CASZ1: variants seen among roughly 807,000 people sequenced by gnomAD.
CASZ1 encodes the protein zinc finger protein castor homolog 1.
In CASZ1, 28 loss-of-function variants were observed where a neutral mutation model predicts 135.2. The observed-to-expected ratio is 0.21, with a 90% CI of 0.15 to 0.28. The LOEUF (loss-of-function observed/expected upper bound fraction) is 0.28. Ranked by LOEUF, CASZ1 falls within the 10% of genes least tolerant of loss-of-function variation. The pLI is 1.00. For synonymous variants in CASZ1, 1,068 were observed against 1,073.4 expected (o/e 0.99, Z 0.10); for missense variants, 2,161 against 2,453.3 (o/e 0.88, Z 2.52).
rs1641076408 is a variant in CASZ1 at position 10,796,551 on chromosome 1, C to T, written c.-234+13G>A. ...TGGGGGGGCCGCGGCGGAGGGAGCGCCGAGTCTCTTACCTGCACTTGGGGC... is the reference window on the plus strand; with the variant it reads ...TGGGGGGGCCGCGGCGGAGGGAGCGTCGAGTCTCTTACCTGCACTTGGGGC... On this transcript the variant is annotated intron_variant, in intron 1 of 20. Transcript: ENST00000377022. 6.6e-6 allele frequency: 1 copy of T among 152,432 alleles called. No homozygotes were observed. The highest frequency in any genetic ancestry group is 2.4e-5 in the African/African-American group (1 of 41,472). The allele number at this position is 152,432 out of a possible 1,614,324, so 9.4% of individuals were successfully genotyped here.
rs145253784 is a variant in CASZ1 at position 10,741,388 on chromosome 1, C to A, written c.-77+19313G>T. ...CCAGCAGTTGTCCTGGGGGTGGGGG[C>A]GGCAGGGCACAGGGAGCAGACACAG... On this transcript the variant is annotated intron_variant, in intron 2 of 20. Coordinates refer to ENST00000377022, the MANE Select transcript of CASZ1 (RefSeq NM_001079843.3). The surrounding 1 kb of genome is among the most constrained non-coding windows in gnomAD (Gnocchi z 5.0). Among the ~76,000 whole-genome samples the A allele has an allele frequency of 1.3e-5, 2 of 152,108 alleles. No individual in the cohort carries two copies. Among genetic ancestry groups the A allele is most frequent in the Admixed American group, 1.3e-4 (2 of 15,258 alleles).
rs1640674075 is a variant in CASZ1, at chr1:10,777,007, C to A, written c.-233-16150G>T. The stretch of plus-strand genomic sequence containing the variant: ...CATGTCTGGAACCGGCCAGCCTCAC[C>A]CTGAGCCAGTGGGGAAGATGACCGT... On this transcript the variant is annotated intron_variant, in intron 1 of 20. Coordinates refer to ENST00000377022, the MANE Select transcript of CASZ1 (RefSeq NM_001079843.3). The surrounding 1 kb of genome is among the most constrained non-coding windows in gnomAD (Gnocchi z 4.4). Among the ~76,000 whole-genome samples the A allele has an allele frequency of 6.6e-6, 1 of 152,178 alleles. No homozygotes were observed. Among genetic ancestry groups the A allele is most frequent in the African/African-American group, 2.4e-5 (1 of 41,446 alleles).
intron 2 of CASZ1, among the ~76,000 whole-genome samples, chr1:10,730,955 A>C (rs1639692435): frequency 6.6e-6 from 1 of 152,068 alleles, no homozygotes; most frequent in Non-Finnish European, 1.5e-5. Flanking sequence ...AAAATACAAA[A>C]ATTAACCGGG....
In CASZ1 at chr1:10,724,270, C is replaced by G. The variant is rs1639556606; in HGVS notation, c.-76-18726G>C. ...TTTCCCAGAGCCACGGCCCCCTCCCCAGCACCAAGAACCTTTCTGAGGAAA... is the reference window on the plus strand; with the variant it reads ...TTTCCCAGAGCCACGGCCCCCTCCCGAGCACCAAGAACCTTTCTGAGGAAA... On this transcript the variant is annotated intron_variant, in intron 2 of 20. Coordinates refer to ENST00000377022, the MANE Select transcript of CASZ1 (RefSeq NM_001079843.3). This position sits in a 1 kb window ranked among gnomAD's most constrained non-coding sequence, Gnocchi z 4.1. 6.6e-6 allele frequency among the ~76,000 whole-genome samples: 1 copy of G among 152,234 alleles called. No individual in the cohort carries two copies. Among genetic ancestry groups the G allele is most frequent in the African/African-American group, 2.4e-5 (1 of 41,462 alleles).
rs773855915 is a variant in CASZ1 at position 10,646,179 on chromosome 1, G to A, written c.3645C>T (p.Asn1215=). Residue 1215 remains asparagine, a synonymous_variant, in exon 17 of 21, where the codon AAC becomes AAT. Coordinates refer to ENST00000377022, the MANE Select transcript of CASZ1 (RefSeq NM_001079843.3). The surrounding 1 kb of genome is among the most constrained non-coding windows in gnomAD (Gnocchi z 6.4). ...AGTAGTATGCAAACTGGTCTCGCAC[G>A]TTCACCAGGTTGTTGTTGGGGTTGA... The part of the protein sequence containing the change: ...DHINPNNNLV[N]VRDQFAYYSL... 7.4e-6 allele frequency: 12 copies of A among 1,614,060 alleles called. No individual in the cohort carries two copies. Among genetic ancestry groups the A allele is most frequent in the East Asian group, 2.2e-5 (1 of 44,898 alleles).
intron 3 of CASZ1, among the ~76,000 whole-genome samples, chr1:10,702,454 C>G (rs193126823): frequency 7.7e-4 from 117 of 152,324 alleles, no homozygotes; most frequent in African/African-American, 2.7e-3. Flanking sequence ...GAAAGATTTG[C>G]TCTGAGAAGC....
chr1:10,669,321 TC>T (rs1221074706), intron 4 of CASZ1, among the ~76,000 whole-genome samples: 3 of 152,138 alleles, frequency 2.0e-5, no homozygotes, highest in African/African-American at 7.2e-5. Flanking sequence ...GGGGACTCCT[TC>T]CCCTGCCCCG....
chr1:10,775,203 G>A (rs908072536), intron 1 of CASZ1, among the ~76,000 whole-genome samples: 5 of 152,142 alleles, frequency 3.3e-5, no homozygotes, highest in Admixed American at 2.0e-4. Context: ...CATTGCTGCC[G>A]ATAATTTTTC....
chr1:10,754,499 G>T (rs1161152786), intron 2 of CASZ1, among the ~76,000 whole-genome samples: 1 of 152,168 alleles, frequency 6.6e-6, no homozygotes, highest in Non-Finnish European at 1.5e-5. Context: ...AACCCAGTGG[G>T]CTCCTCAAGC....
chr1:10,795,300 A>C (rs1344472910), intron 1 of CASZ1, among the ~76,000 whole-genome samples: 2 of 152,110 alleles, frequency 1.3e-5, no homozygotes, highest in African/African-American at 2.4e-5. Context: ...TGACCGGGAA[A>C]CCGGCTCTCT....
intron 3 of CASZ1, chr1:10,704,071 G>A (rs1407778508): frequency 6.6e-6 from 1 of 152,314 alleles, no homozygotes; most frequent in East Asian, 1.9e-4. Flanking sequence ...AGGTTCTCGT[G>A]ATCAGAGGGT....
In CASZ1 at chr1:10,639,168, G is replaced by C. The variant is rs1415849883; in HGVS notation, c.5054C>G (p.Pro1685Arg). The stretch of plus-strand genomic sequence containing the variant: ...CTCGTCGTCTTCGGCCTCCTCCTCC[G>C]GCAGCTCCAGCTCCTCCTCCTCGTC... ...QEDEEEELEL[P>R]EEEAEDDEDE... Residue 1685 changes from proline (P) to arginine (R), a missense_variant, in exon 21 of 21, where the codon CCG becomes CGG. This residue lies in a region of CASZ1 where 185 missense variants were observed against 134.7 expected (regional missense o/e 1.37). Transcript: ENST00000377022. This position sits in a 1 kb window ranked among gnomAD's most constrained non-coding sequence, Gnocchi z 4.0. The C allele has an allele frequency of 4.8e-6, 5 of 1,044,952 alleles. No individual in the cohort carries two copies. Among genetic ancestry groups the C allele is most frequent in the Non-Finnish European group, 5.8e-6 (5 of 856,308 alleles). 64.7% of individuals were successfully genotyped at this position (1,044,952 alleles called of 1,614,324 possible).
In CASZ1 at chr1:10,639,397, C is replaced by T; in HGVS notation, c.4825G>A (p.Ala1609Thr). ...ERGEPAAEGP[A>T]PGPPISLDGS... ...TCCAGACTGATGGGAGGCCCGGGCG[C>T]GGGGCCCTCTGCCGCGGGCTCGCCG... The change falls in exon 21 of 21, where the codon GCG (alanine) becomes ACG (threonine). Residue 1609 changes from alanine (A) to threonine (T), a missense_variant. Physicochemically the swap from Ala to Thr is moderately conservative, Grantham distance 58. Coordinates refer to ENST00000377022, the MANE Select transcript of CASZ1 (RefSeq NM_001079843.3). This position sits in a 1 kb window ranked among gnomAD's most constrained non-coding sequence, Gnocchi z 4.0. 1 of 1,547,240 alleles carries T rather than the reference C, an allele frequency of 6.5e-7. No homozygotes were observed. Among genetic ancestry groups the T allele is most frequent in the Non-Finnish European group, 8.7e-7 (1 of 1,146,378 alleles).
chr1:10,776,513 C>T lies in CASZ1; in HGVS notation c.-233-15656G>A, dbSNP rs552520833. ...CTCTCAGTACTCGGCAAGTTCACAC[C>T]AGAGGGCTCTGACACGAGACACATC... On this transcript the variant is annotated intron_variant, in intron 1 of 20. Transcript: ENST00000377022. The surrounding 1 kb of genome is among the most constrained non-coding windows in gnomAD (Gnocchi z 4.1). 2.1e-4 allele frequency among the ~76,000 whole-genome samples: 32 copies of T among 152,350 alleles called. No homozygotes were observed. The highest frequency in any genetic ancestry group is 2.2e-4 in the Non-Finnish European group (15 of 68,038).
chr1:10,754,262 A>G (rs747224073), intron 2 of CASZ1, among the ~76,000 whole-genome samples: 1 of 152,178 alleles, frequency 6.6e-6, no homozygotes, highest in Non-Finnish European at 1.5e-5. Context: ...ACGCATCGCC[A>G]TCCAGCACAT....
chr1:10,699,805 C>T lies in CASZ1; in HGVS notation c.-24+5687G>A, dbSNP rs529904253. 2.0e-5 allele frequency among the ~76,000 whole-genome samples: 3 copies of T among 152,188 alleles called. No individual in the cohort carries two copies. The highest frequency in any genetic ancestry group is 6.5e-5 in the Admixed American group (1 of 15,284). On this transcript the variant is annotated intron_variant, in intron 3 of 20. Coordinates refer to ENST00000377022, the MANE Select transcript of CASZ1 (RefSeq NM_001079843.3). This position sits in a 1 kb window ranked among gnomAD's most constrained non-coding sequence, Gnocchi z 4.6. ...TCTCACCCTTGTAGGTTTCTCTTATCAGAAGCAGCGACGGTTTCACATTAA... is the reference window on the plus strand; with the variant it reads ...TCTCACCCTTGTAGGTTTCTCTTATTAGAAGCAGCGACGGTTTCACATTAA...
rs1639610816 is a variant in CASZ1, at chr1:10,727,064, A to G, written c.-76-21520T>C. On this transcript the variant is annotated intron_variant, in intron 2 of 20. Coordinates refer to ENST00000377022, the MANE Select transcript of CASZ1 (RefSeq NM_001079843.3). This position sits in a 1 kb window ranked among gnomAD's most constrained non-coding sequence, Gnocchi z 5.3. Reference sequence around the variant, plus strand: ...AAGAGAACACAGCCTGTGAGTGAGGAGGACTGAAACGAAGGCAGAGGGGGA... The same window carrying G: ...AAGAGAACACAGCCTGTGAGTGAGGGGGACTGAAACGAAGGCAGAGGGGGA... Among the ~76,000 whole-genome samples, 2 of 152,066 alleles carry G rather than the reference A, an allele frequency of 1.3e-5. No individual in the cohort carries two copies. Among genetic ancestry groups the G allele is most frequent in the African/African-American group, 4.8e-5 (2 of 41,396 alleles).
chr1:10,741,731 G>C lies in CASZ1; in HGVS notation c.-77+18970C>G, dbSNP rs1322721538. ...ATTCCTACTAGGCCCTGGAATGCCA[G>C]ACATTTTGCAGCTTTTATAACATGT... is the stretch of plus-strand genomic sequence containing the variant. On this transcript the variant is annotated intron_variant, in intron 2 of 20. Transcript: ENST00000377022. The surrounding 1 kb of genome is among the most constrained non-coding windows in gnomAD (Gnocchi z 5.0). Among the ~76,000 whole-genome samples, 2 of 152,188 alleles carry C rather than the reference G, an allele frequency of 1.3e-5. No individual in the cohort carries two copies. Among genetic ancestry groups the C allele is most frequent in the Non-Finnish European group, 2.9e-5 (2 of 68,018 alleles).
rs1390265661 is a variant in CASZ1, at chr1:10,694,680, T to C, written c.-23-768A>G. On this transcript the variant is annotated intron_variant, in intron 3 of 20. Coordinates refer to ENST00000377022, the MANE Select transcript of CASZ1 (RefSeq NM_001079843.3). The surrounding 1 kb of genome is among the most constrained non-coding windows in gnomAD (Gnocchi z 6.6). ...CCGGAGTGAATGGGCTCGCGCTCGCTCGCGCCCCCGCCGCGCGCCCCCGCC... is the reference window on the plus strand; with the variant it reads ...CCGGAGTGAATGGGCTCGCGCTCGCCCGCGCCCCCGCCGCGCGCCCCCGCC... Among the ~76,000 whole-genome samples the C allele has an allele frequency of 2.2e-5, 3 of 138,398 alleles. No homozygotes were observed. The highest frequency in any genetic ancestry group is 7.0e-5 in the Admixed American group (1 of 14,272). 90.8% of individuals were successfully genotyped at this position (138,398 alleles called of 152,430 possible).
Sources: gnomAD v4.1 joint callset for allele counts (sites outside exome capture counted in the v4.1 genomes callset) on GRCh38, gnomAD v4.1.1 for gene constraint, gnomAD v4.1.1 regional missense constraint, Gnocchi (gnomAD v3.1) non-coding constraint, MANE v1.5 for transcripts, NCBI Gene and HGNC (gene_info 2026-07-23, HGNC 2026-07-21) for gene names.